Variants in DORIP1 observed in about 807,000 individuals in gnomAD.
DORIP1 encodes dopamine receptor-interacting protein 1.
At chr14:44,900,743 C>A in the DORIP1 span, 1 of 1,614,044 alleles carries the variant, frequency 6.2e-7, no homozygotes, top group Non-Finnish European at 8.5e-7. Flanking sequence ...AGTTTTACAA[C>A]TGTGAAGCTA....
chr14:44,903,195 T>C, the DORIP1 span: 1 of 1,577,230 alleles, frequency 6.3e-7, no homozygotes, highest in Non-Finnish European at 8.7e-7. Context: ...ATGCATTTAA[T>C]AATTATTATA....
the DORIP1 span, chr14:44,905,349 A>G: frequency 6.2e-6 from 9 of 1,448,464 alleles, no homozygotes; most frequent in African/African-American, 1.4e-5. Flanking sequence ...CTCTCATACT[A>G]TATTATTTAA....
At chr14:44,904,424 G>T in the DORIP1 span, 1 of 1,610,352 alleles carries the variant, frequency 6.2e-7, no homozygotes, top group South Asian at 1.1e-5. Flanking sequence ...TTTTCCCAAC[G>T]AATTTTCTGC....
the DORIP1 span, among the ~76,000 whole-genome samples, chr14:44,902,000 T>C: frequency 6.6e-6 from 1 of 152,210 alleles, no homozygotes; most frequent in African/African-American, 2.4e-5. Flanking sequence ...AAATGCATTT[T>C]TGGCAGAAAG....
the DORIP1 span, chr14:44,903,698 C>CTA: frequency 2.1e-6 from 2 of 973,890 alleles, no homozygotes; most frequent in Non-Finnish European, 2.4e-6. Flanking sequence ...TTTTCTGTGA[C>CTA]TACATTATTG....
At chr14:44,904,489 C>T in the DORIP1 span, 2 of 1,611,908 alleles carry the variant, frequency 1.2e-6, no homozygotes, top group Non-Finnish European at 1.7e-6. Flanking sequence ...ATCTGAAGAT[C>T]TGGCGTATGT....
the DORIP1 span, chr14:44,906,173 A>C: frequency 6.6e-6 from 1 of 151,744 alleles, no homozygotes; most frequent in African/African-American, 2.4e-5. Context: ...ACTACTTCCT[A>C]AAGTATTATA....
the DORIP1 span, chr14:44,900,859 A>C: frequency 9.3e-6 from 15 of 1,614,104 alleles, 1 homozygote; most frequent in East Asian, 2.0e-4. Flanking sequence ...TTTTACAAAA[A>C]ATCTTGAAAA....
the DORIP1 span, among the ~76,000 whole-genome samples, chr14:44,900,109 T>C: frequency 2.6e-5 from 4 of 152,082 alleles, no homozygotes; most frequent in Admixed American, 1.3e-4. Flanking sequence ...GGATTACAGG[T>C]GTGAGCCACC....
the DORIP1 span, chr14:44,904,340 T>G: frequency 6.4e-7 from 1 of 1,562,370 alleles, no homozygotes. Flanking sequence ...TCTGAAGTGT[T>G]GAAAGCCAGC....
At chr14:44,900,838 G>T in the DORIP1 span, 1 of 1,614,070 alleles carries the variant, frequency 6.2e-7, no homozygotes, top group Non-Finnish European at 8.5e-7. Context: ...GTTTGGGAAT[G>T]AGCATGATAA....
chr14:44,903,382 GAA>G, the DORIP1 span: 49 of 1,508,030 alleles, frequency 3.2e-5, no homozygotes, highest in Non-Finnish European at 3.9e-5. Flanking sequence ...AGTACTTTAT[GAA>G]TCTTATTAAC....
the DORIP1 span, chr14:44,898,843 T>C: frequency 6.6e-6 from 1 of 152,238 alleles, no homozygotes; most frequent in Non-Finnish European, 1.5e-5. Flanking sequence ...GTTTAATATA[T>C]TGCAGAAGTG....
the DORIP1 span, among the ~76,000 whole-genome samples, chr14:44,897,886 G>C: frequency 2.0e-4 from 31 of 152,320 alleles, no homozygotes; most frequent in African/African-American, 7.0e-4. Flanking sequence ...GCGCGTGGCT[G>C]TACAGGCGTA....
At chr14:44,905,135 C>CT in the DORIP1 span, 1 of 344,522 alleles carries the variant, frequency 2.9e-6, no homozygotes. Context: ...CGTGTTTACT[C>CT]TTTTTTAAAA....
At chr14:44,905,267 A>C in the DORIP1 span, 30 of 792,902 alleles carry the variant, frequency 3.8e-5, no homozygotes, top group Admixed American at 2.2e-4. Flanking sequence ...AACAGAATAC[A>C]AACAATGTCA....
the DORIP1 span, chr14:44,905,845 A>G: frequency 5.5e-6 from 1 of 181,312 alleles, no homozygotes; most frequent in Non-Finnish European, 1.1e-5. Flanking sequence ...GATTTTTACA[A>G]TTCTGTCTTT....
chr14:44,900,352 A>G, the DORIP1 span: 1 of 1,235,720 alleles, frequency 8.1e-7, no homozygotes. Context: ...CTTTAGATGG[A>G]TTTATTTTCG....
the DORIP1 span, chr14:44,897,655 A>G: frequency 6.5e-6 from 1 of 154,424 alleles, no homozygotes; most frequent in African/African-American, 2.4e-5. Context: ...ATTTGTCCGC[A>G]GTTCTGAGCA....
Sources: gnomAD v4.1 joint callset for allele counts (sites outside exome capture counted in the v4.1 genomes callset) on GRCh38, gnomAD v4.1.1 for gene constraint, MANE v1.5 for transcripts, NCBI Gene and HGNC (gene_info 2026-07-23, HGNC 2026-07-21) for gene names.